The following RPS6KC1 variants were observed in gnomAD, a reference collection of about 807,000 sequenced individuals.
RPS6KC1 encodes inactive ribosomal protein S6 kinase delta-1.
RPS6KC1 carries 54 observed loss-of-function variants against 103.8 expected under a neutral mutation model. The ratio of observed to expected loss-of-function variants is 0.52; its 90% CI spans 0.42 to 0.65. The LOEUF (loss-of-function observed/expected upper bound fraction) is 0.65, where lower values mean the gene tolerates loss of function less well. Ranked by LOEUF, RPS6KC1 falls within the 30% of genes least tolerant of loss-of-function variation. The pLI, the probability that RPS6KC1 is intolerant of heterozygous loss-of-function variation, is 0.00. For synonymous variants in RPS6KC1, 439 were observed against 438.7 expected (o/e 1.00, Z -0.01); for missense variants, 1,151 against 1,253.8 (o/e 0.92, Z 1.24).
At chr1:213,251,776 C>T (rs570784965) in intron 12 of RPS6KC1, among the ~76,000 whole-genome samples, 29 of 152,148 alleles carry the variant, frequency 1.9e-4, no homozygotes, top group Admixed American at 6.5e-4. Context: ...CTACAAAATA[C>T]AAGATTGATA....
At chr1:213,443,335 A>G in the RPS6KC1 span, among the ~76,000 whole-genome samples, 1 of 152,334 alleles carries the variant, frequency 6.6e-6, no homozygotes, top group Admixed American at 6.5e-5. Context: ...TCATCTAAAA[A>G]TTTGTTATAG....
intron 10 of RPS6KC1, among the ~76,000 whole-genome samples, chr1:213,235,331 A>G (rs910816623): frequency 6.6e-6 from 1 of 152,200 alleles, no homozygotes; most frequent in African/African-American, 2.4e-5. Context: ...CTTTGCCTGC[A>G]TGGAGCTTAC....
At chr1:213,187,698 G>A (rs1273252712) in intron 8 of RPS6KC1, among the ~76,000 whole-genome samples, 6 of 151,824 alleles carry the variant, frequency 4.0e-5, no homozygotes, top group Non-Finnish European at 7.4e-5. Flanking sequence ...CCGGATTTTT[G>A]TTTTGTCCTT....
chr1:213,430,339 AG>A, the RPS6KC1 span, among the ~76,000 whole-genome samples: 3 of 152,354 alleles, frequency 2.0e-5, no homozygotes, highest in South Asian at 6.2e-4. Flanking sequence ...TTAGTTTCAC[AG>A]CTCCACAGGT....
At chr1:213,505,615 C>A in the RPS6KC1 span, among the ~76,000 whole-genome samples, 4 of 152,182 alleles carry the variant, frequency 2.6e-5, no homozygotes, top group African/African-American at 9.7e-5. Flanking sequence ...ATCTAACATG[C>A]CAGCATGTAC....
At chr1:213,341,121 A>G in the RPS6KC1 span, among the ~76,000 whole-genome samples, 11 of 152,340 alleles carry the variant, frequency 7.2e-5, no homozygotes, top group Non-Finnish European at 1.2e-4. Context: ...GTAACCGGCC[A>G]TAGTTTGTCT....
At chr1:213,342,437 A>T in the RPS6KC1 span, among the ~76,000 whole-genome samples, 2 of 152,220 alleles carry the variant, frequency 1.3e-5, no homozygotes, top group Non-Finnish European at 2.9e-5. Flanking sequence ...AGTATTTGGT[A>T]CACAGAAACT....
chr1:213,302,005 G>A, the RPS6KC1 span, among the ~76,000 whole-genome samples: 1 of 151,932 alleles, frequency 6.6e-6, no homozygotes, highest in Non-Finnish European at 1.5e-5. Flanking sequence ...CTAAGTGCTG[G>A]GATTACAGGC....
intron 9 of RPS6KC1, 85 bp from the exon 10 acceptor site, chr1:213,232,038 G>C (rs1267060110): frequency 2.0e-6 from 3 of 1,525,476 alleles, no homozygotes; most frequent in Non-Finnish European, 2.7e-6. Context: ...AGATTAGTTT[G>C]GTTGATAAAC....
chr1:213,184,063 A>G (rs1270352555), intron 8 of RPS6KC1, among the ~76,000 whole-genome samples: 4 of 152,188 alleles, frequency 2.6e-5, no homozygotes, highest in African/African-American at 9.6e-5. Context: ...AAATAAATAG[A>G]TAATTTGAAT....
the RPS6KC1 span, among the ~76,000 whole-genome samples, chr1:213,704,832 G>A: frequency 2.3e-4 from 35 of 152,214 alleles, no homozygotes; most frequent in Non-Finnish European, 4.9e-4. Flanking sequence ...GCTTTAGGGG[G>A]CACCCCAAGC....
At position 213,067,351 on chromosome 1, in the gene RPS6KC1, A is replaced by C. The variant is rs2078422742; in HGVS notation, c.106-3655A>C. Among the ~76,000 whole-genome samples, 3 of 152,150 alleles carry C rather than the reference A, an allele frequency of 2.0e-5. No homozygotes were observed. The South Asian group carries it at 6.2e-4, about 32-fold the overall frequency. ...CTGAGGGCCCTTTCCTGAAGAAGGA[A>C]CTCTGATAAAACAAATGTTAAGTTT... is the stretch of plus-strand genomic sequence containing the variant. On this transcript the variant is annotated intron_variant, in intron 1 of 14. Coordinates refer to ENST00000366960, the MANE Select transcript of RPS6KC1 (RefSeq NM_012424.6).
chr1:213,551,593 C>A, the RPS6KC1 span, among the ~76,000 whole-genome samples: 1 of 152,150 alleles, frequency 6.6e-6, no homozygotes, highest in Non-Finnish European at 1.5e-5. Context: ...CTAAGCAGAA[C>A]GTATAGGGAG....
At chr1:213,285,373 G>C in the RPS6KC1 span, among the ~76,000 whole-genome samples, 2 of 152,068 alleles carry the variant, frequency 1.3e-5, no homozygotes, top group African/African-American at 4.8e-5. Context: ...CATGAATTTT[G>C]GGAGAACACA....
the RPS6KC1 span, among the ~76,000 whole-genome samples, chr1:213,334,481 T>C: frequency 6.6e-6 from 1 of 152,322 alleles, no homozygotes; most frequent in African/African-American, 2.4e-5. Context: ...GCAACTCAGC[T>C]TTTCCTTAGC....
intron 3 of RPS6KC1, among the ~76,000 whole-genome samples, chr1:213,100,638 A>C (rs796254793): frequency 4.9e-4 from 74 of 152,146 alleles, no homozygotes; most frequent in African/African-American, 1.7e-3. Context: ...CTCTGTGTCC[A>C]TGTGTACCCA....
the RPS6KC1 span, among the ~76,000 whole-genome samples, chr1:213,289,921 C>G: frequency 6.6e-6 from 1 of 151,998 alleles, no homozygotes; most frequent in Non-Finnish European, 1.5e-5. Flanking sequence ...TGCCTGTGAT[C>G]CCAGCTACTC....
the RPS6KC1 span, among the ~76,000 whole-genome samples, chr1:213,488,873 A>G: frequency 0.036 from 5,544 of 152,270 alleles, 496 homozygotes; most frequent in East Asian, 0.26. Context: ...TAAATTGGTA[A>G]GCAAATACTG....
At chr1:213,636,669 A>G in the RPS6KC1 span, among the ~76,000 whole-genome samples, 1 of 152,206 alleles carries the variant, frequency 6.6e-6, no homozygotes, top group Non-Finnish European at 1.5e-5. Context: ...ACCCTAGAAG[A>G]AAACCTAGGC....
Sources: gnomAD v4.1 joint callset for allele counts (sites outside exome capture counted in the v4.1 genomes callset) on GRCh38, gnomAD v4.1.1 for gene constraint, MANE v1.5 for transcripts, NCBI Gene and HGNC (gene_info 2026-07-23, HGNC 2026-07-21) for gene names.